The following DAPK1 variants were observed in gnomAD, a reference collection of about 807,000 sequenced individuals.
DAPK1 encodes the protein death-associated protein kinase 1.
In DAPK1, 56 loss-of-function variants were observed where a neutral mutation model predicts 144.9. The ratio of observed to expected loss-of-function variants is 0.39; its 90% CI spans 0.31 to 0.48. The LOEUF is 0.48. Among genes scored for constraint, DAPK1 ranks in the 20% least tolerant of loss-of-function variants. DAPK1 has a pLI of 0.95. For missense variants in DAPK1, 1,454 were observed against 1,875.4 expected (o/e 0.78, Z 4.15); for synonymous variants, 690 against 749.0 (o/e 0.92, Z 1.29).
intron 11 of DAPK1, 142 bp from the exon 12 acceptor site, chr9:87,645,753 T>C: frequency 9.4e-7 from 1 of 1,059,724 alleles, no homozygotes; most frequent in African/African-American, 1.6e-5. Context: ...GGTCCCTCCA[T>C]GACTGTATGG....
intron 2 of DAPK1, among the ~76,000 whole-genome samples, chr9:87,592,328 C>A (rs1330908702): frequency 1.3e-5 from 2 of 152,172 alleles, no homozygotes; most frequent in African/African-American, 4.8e-5. Flanking sequence ...AGTGGACTTC[C>A]CATTTCACCC....
At chr9:87,568,142 T>C (rs1365827226) in intron 2 of DAPK1, among the ~76,000 whole-genome samples, 1 of 152,174 alleles carries the variant, frequency 6.6e-6, no homozygotes, top group Non-Finnish European at 1.5e-5. Flanking sequence ...CACCCAGGCA[T>C]AAGGCACCGG....
intron 18 of DAPK1, among the ~76,000 whole-genome samples, chr9:87,659,884 C>A (rs904916516): frequency 1.1e-4 from 16 of 152,164 alleles, no homozygotes; most frequent in African/African-American, 3.4e-4. Context: ...TCCAGAGGGA[C>A]AAGACAGGCA....
Position 87,570,202 on chromosome 9 carries a change from A to G in DAPK1, c.63-34752A>G, listed in dbSNP as rs36203439. Among the ~76,000 whole-genome samples the G allele has an allele frequency of 9.3e-3, 1,419 of 152,300 alleles. 21 individuals are homozygous for G. Among genetic ancestry groups the G allele is most frequent in the African/African-American group, 0.033 (1,361 of 41,562 alleles). ...CTGATCAAATATTACTAAAGCTTTTATGGACTCTTGAACCTCATTTTCCCT... is the reference window on the plus strand; with the variant it reads ...CTGATCAAATATTACTAAAGCTTTTGTGGACTCTTGAACCTCATTTTCCCT... On this transcript the variant is annotated intron_variant, in intron 2 of 25. Transcript: ENST00000408954.
Position 87,647,349 on chromosome 9 carries a change from C to T in DAPK1, c.1275C>T (p.Val425=), listed in dbSNP as rs55637131. 42 of 1,614,124 alleles carry T rather than the reference C, an allele frequency of 2.6e-5. No individual in the cohort carries two copies. The highest frequency in any genetic ancestry group is 5.5e-5 in the South Asian group (5 of 91,084). The change falls in exon 14 of 26, where the codon GTC becomes GTT. Residue 425 remains valine (V), a synonymous_variant. Coordinates refer to ENST00000408954, the MANE Select transcript of DAPK1 (RefSeq NM_004938.4). ...AVYWAARHGH[V]DTLKFLSENK... is the part of the protein sequence containing the mutation. ...ACTGGGCTGCTCGGCATGGCCACGT[C>T]GATACCTTGAAATTTCTCAGTGAGA... is the stretch of plus-strand genomic sequence containing the variant.
chr9:87,520,026 GA>G, intron 2 of DAPK1, among the ~76,000 whole-genome samples: 1 of 151,960 alleles, frequency 6.6e-6, no homozygotes, highest in South Asian at 2.1e-4. Flanking sequence ...GAAACAAACA[GA>G]AAAAAGGAAA....
chr9:87,647,988 A>G (rs932486205), intron 14 of DAPK1, among the ~76,000 whole-genome samples: 1 of 152,202 alleles, frequency 6.6e-6, no homozygotes, highest in African/African-American at 2.4e-5. Flanking sequence ...TGGAATTCCT[A>G]CCTACTCATC....
chr9:87,664,433 A>G (rs1306700611), intron 18 of DAPK1, among the ~76,000 whole-genome samples: 2 of 152,164 alleles, frequency 1.3e-5, no homozygotes, highest in African/African-American at 2.4e-5. Flanking sequence ...AATGCCCGCT[A>G]CGGGCATGTG....
At chr9:87,705,011 T>C (rs1186924829) in intron 25 of DAPK1, among the ~76,000 whole-genome samples, 1 of 151,992 alleles carries the variant, frequency 6.6e-6, no homozygotes, top group Non-Finnish European at 1.5e-5. Flanking sequence ...TGGGCCATCA[T>C]CTCTGGTCTC....
chr9:87,555,704 T>C (rs1486828392), intron 2 of DAPK1, among the ~76,000 whole-genome samples: 3 of 152,142 alleles, frequency 2.0e-5, no homozygotes, highest in Non-Finnish European at 4.4e-5. Flanking sequence ...GGTTTCTCCA[T>C]GTTGGTCAGG....
At chr9:87,698,511 G>T in intron 22 of DAPK1, 145 bp from the exon 23 acceptor site, 1 of 662,246 alleles carries the variant, frequency 1.5e-6, no homozygotes, top group East Asian at 2.5e-5. Context: ...CACAGCAGGC[G>T]TGGGGCCTTC....
intron 14 of DAPK1, among the ~76,000 whole-genome samples, chr9:87,647,941 A>G (rs1303620219): frequency 6.6e-6 from 1 of 152,242 alleles, no homozygotes; most frequent in African/African-American, 2.4e-5. Flanking sequence ...TCACACAACA[A>G]TCCTGTGAAT....
In DAPK1 at chr9:87,601,058, A is replaced by T. The variant is rs192705489; in HGVS notation, c.63-3896A>T. Among the ~76,000 whole-genome samples the T allele has an allele frequency of 1.6e-3, 243 of 152,298 alleles. 2 individuals are homozygous for T. The highest frequency in any genetic ancestry group is 5.5e-3 in the African/African-American group (229 of 41,564). The stretch of plus-strand genomic sequence containing the variant: ...TCTTTGGGGAGGCAGAGGTTGGGTG[A>T]AGAGGAACTGTCCCCCCAAAGGAGT... On this transcript the variant is annotated intron_variant, in intron 2 of 25. Transcript: ENST00000408954.
At chr9:87,555,990 C>T (rs1046226356) in intron 2 of DAPK1, among the ~76,000 whole-genome samples, 5 of 152,090 alleles carry the variant, frequency 3.3e-5, no homozygotes, top group African/African-American at 1.2e-4. Context: ...CTGTTTTATT[C>T]CTAAAAAGAC....
At chr9:87,675,219 TC>T (rs1285385097) in intron 19 of DAPK1, among the ~76,000 whole-genome samples, 15 of 152,022 alleles carry the variant, frequency 9.9e-5, no homozygotes, top group African/African-American at 1.4e-4. Context: ...GGTTGCTGCC[TC>T]CTGGGGTAGG....
chr9:87,656,924 GAGTA>G (rs1830648952), intron 17 of DAPK1, among the ~76,000 whole-genome samples: 1 of 152,232 alleles, frequency 6.6e-6, no homozygotes, highest in South Asian at 2.1e-4. Context: ...GGGAGCTTGA[GAGTA>G]AGGGGGGAGG....
chr9:87,498,853 G>T, intron 1 of DAPK1, 117 bp from the exon 2 acceptor site: 1 of 520,660 alleles, frequency 1.9e-6, no homozygotes, highest in Non-Finnish European at 3.5e-6. Flanking sequence ...ACCCCGCGAG[G>T]AGGGGCAGCT....
At chr9:87,688,325 TTTATCC>T (rs1344195741) in intron 21 of DAPK1, among the ~76,000 whole-genome samples, 3 of 152,208 alleles carry the variant, frequency 2.0e-5, no homozygotes, top group Admixed American at 6.5e-5. Context: ...TCATATTGTC[TTTATCC>T]AGTCTGCCAT....
intron 3 of DAPK1, among the ~76,000 whole-genome samples, chr9:87,614,310 C>T (rs1829024046): frequency 6.6e-6 from 1 of 152,170 alleles, no homozygotes; most frequent in African/African-American, 2.4e-5. Context: ...AGGATATAGT[C>T]ATAACTTTAG....
Sources: allele counts gnomAD v4.1 joint callset (sites outside exome capture counted in the v4.1 genomes callset), GRCh38; gene constraint gnomAD v4.1.1; transcripts MANE v1.5; gene names NCBI Gene and HGNC (gene_info 2026-07-23, HGNC 2026-07-21).